The following SUCLG2 variants were observed in gnomAD, a reference collection of about 807,000 sequenced individuals.
SUCLG2 encodes the protein succinate-CoA ligase GDP-forming subunit beta.
SUCLG2 carries 42 observed loss-of-function variants against 47.9 expected under a neutral mutation model. The ratio of observed to expected loss-of-function variants is 0.88; its 90% CI spans 0.69 to 1.14. The LOEUF is 1.14. SUCLG2 is among the 50% of genes most tolerant of loss of function. The probability of loss-of-function intolerance (pLI) is 0.00; values close to 1 mark genes in which losing one functional copy is unlikely to be tolerated. For missense variants in SUCLG2, 571 were observed against 525.9 expected (o/e 1.09, Z -0.84); for synonymous variants, 195 against 197.3 (o/e 0.99, Z 0.10).
chr3:67,416,670 C>T (rs1703045716), intron 9 of SUCLG2, among the ~76,000 whole-genome samples: 7 of 152,116 alleles, frequency 4.6e-5, no homozygotes, highest in Admixed American at 4.6e-4. Context: ...GTTAACATCA[C>T]AATTACATCT....
intron 9 of SUCLG2, among the ~76,000 whole-genome samples, chr3:67,427,080 T>A (rs1224391038): frequency 6.6e-6 from 1 of 152,232 alleles, no homozygotes; most frequent in Non-Finnish European, 1.5e-5. Flanking sequence ...GTTTTATATA[T>A]TACCTGAAAG....
At chr3:67,376,566 C>G (rs1304134651) in intron 10 of SUCLG2, 3 of 921,844 alleles carry the variant, frequency 3.3e-6, no homozygotes, top group Admixed American at 6.2e-5. Context: ...TACATCATTT[C>G]CTGTGCTTTT....
chr3:67,478,266 G>C (rs577467536), intron 9 of SUCLG2, among the ~76,000 whole-genome samples: 2 of 152,312 alleles, frequency 1.3e-5, no homozygotes, highest in Admixed American at 1.3e-4. Flanking sequence ...CAAAGTACCA[G>C]ACACTGCTGA....
chr3:67,592,162 T>C (rs755086543), intron 2 of SUCLG2, among the ~76,000 whole-genome samples: 32 of 152,118 alleles, frequency 2.1e-4, no homozygotes, highest in Non-Finnish European at 3.4e-4. Context: ...GTGGGAAAAT[T>C]AGAAGAAAAG....
intron 1 of SUCLG2, among the ~76,000 whole-genome samples, chr3:67,639,208 A>C (rs2107365808): frequency 6.6e-6 from 1 of 152,370 alleles, no homozygotes; most frequent in East Asian, 1.9e-4. Flanking sequence ...TAATTTACCA[A>C]GCCCATACTT....
At chr3:67,528,350 T>C (rs962288494) in intron 3 of SUCLG2, 128 bp from the exon 4 acceptor site, 15 of 798,622 alleles carry the variant, frequency 1.9e-5, no homozygotes, top group Non-Finnish European at 2.7e-5. Context: ...TCCATGAGTC[T>C]TTCTGCTTAT....
chr3:67,420,679 C>G (rs895415002), intron 9 of SUCLG2, among the ~76,000 whole-genome samples: 1 of 152,128 alleles, frequency 6.6e-6, no homozygotes, highest in African/African-American at 2.4e-5. Flanking sequence ...ATGTAGGAGT[C>G]CTTTTCATAT....
chr3:67,426,024 T>A (rs904041309), intron 9 of SUCLG2, among the ~76,000 whole-genome samples: 1 of 152,230 alleles, frequency 6.6e-6, no homozygotes, highest in Admixed American at 6.5e-5. Flanking sequence ...AATTACCAAC[T>A]GTCTCACTTA....
At chr3:67,627,529 T>C (rs1388545634) in intron 1 of SUCLG2, among the ~76,000 whole-genome samples, 1 of 152,226 alleles carries the variant, frequency 6.6e-6, no homozygotes, top group Non-Finnish European at 1.5e-5. Context: ...AGTTATTTTG[T>C]CTCAGCTCCA....
chr3:67,580,011 A>G (rs966267228), intron 2 of SUCLG2, among the ~76,000 whole-genome samples: 3 of 152,222 alleles, frequency 2.0e-5, no homozygotes, highest in Non-Finnish European at 4.4e-5. Context: ...AAAAAATAAA[A>G]ATAAATGAGA....
chr3:67,393,644 C>T (rs1425708718), intron 10 of SUCLG2, among the ~76,000 whole-genome samples: 1 of 152,220 alleles, frequency 6.6e-6, no homozygotes, highest in Non-Finnish European at 1.5e-5. Flanking sequence ...TTTAATGTCC[C>T]TGTCTGACAG....
At chr3:67,362,504 G>C (rs1396406046) in intron 10 of SUCLG2, among the ~76,000 whole-genome samples, 1 of 152,132 alleles carries the variant, frequency 6.6e-6, no homozygotes, top group African/African-American at 2.4e-5. Context: ...GTTAATGAAT[G>C]ATAATCTAAT....
At chr3:67,392,919 A>G (rs981210644) in intron 10 of SUCLG2, among the ~76,000 whole-genome samples, 16 of 152,134 alleles carry the variant, frequency 1.1e-4, no homozygotes, top group African/African-American at 3.9e-4. Context: ...GGCTCAAACA[A>G]TCCTCCTGCC....
rs141076229 is a variant in SUCLG2, at chr3:67,649,264, A to G, written c.84+5239T>C. On this transcript the variant is annotated intron_variant, in intron 1 of 10. Transcript: ENST00000307227. Reference sequence around the variant, plus strand: ...ATTGCAGTACCCACTATGTTTTAGTATAACTACAGGTTTATAGGCCAGTTG... The same window carrying G: ...ATTGCAGTACCCACTATGTTTTAGTGTAACTACAGGTTTATAGGCCAGTTG... Among the ~76,000 whole-genome samples, 328 of 152,318 alleles carry G rather than the reference A, an allele frequency of 2.2e-3. 1 individual carries two copies. Among genetic ancestry groups the G allele is most frequent in the African/African-American group, 7.7e-3 (319 of 41,560 alleles).
chr3:67,502,023 C>A (rs1341654118), intron 7 of SUCLG2, among the ~76,000 whole-genome samples: 3 of 152,134 alleles, frequency 2.0e-5, no homozygotes, highest in African/African-American at 7.2e-5. Flanking sequence ...GTCCTAAGAA[C>A]CCCCAATTTA....
intron 1 of SUCLG2, among the ~76,000 whole-genome samples, chr3:67,620,584 C>CAAAAAAAAAAAAAAAAAAAAAAA (rs71109890): frequency 4.7e-5 from 3 of 63,510 alleles, no homozygotes; most frequent in Admixed American, 2.1e-4. Flanking sequence ...GACTCCATCT[C>CAAAAAAAAAAAAAAAAAAAAAAA]AAAAAAAAAA....
chr3:67,633,423 T>C (rs570398663), intron 1 of SUCLG2, among the ~76,000 whole-genome samples: 50 of 152,336 alleles, frequency 3.3e-4, no homozygotes, highest in Non-Finnish European at 6.9e-4. Flanking sequence ...AAGGTCTGCA[T>C]GTTTTCAAAC....
intron 4 of SUCLG2, among the ~76,000 whole-genome samples, chr3:67,526,037 T>C (rs1384849985): frequency 2.0e-5 from 3 of 152,220 alleles, no homozygotes; most frequent in East Asian, 1.9e-4. Flanking sequence ...CAAAAATATA[T>C]TGTTTCACAG....
chr3:67,640,330 T>C (rs572498114), intron 1 of SUCLG2, among the ~76,000 whole-genome samples: 1 of 152,348 alleles, frequency 6.6e-6, no homozygotes, highest in East Asian at 1.9e-4. Context: ...TAATCCCTGA[T>C]ACATGATAGA....
Sources: allele counts gnomAD v4.1 joint callset (sites outside exome capture counted in the v4.1 genomes callset), GRCh38; gene constraint gnomAD v4.1.1; transcripts MANE v1.5; gene names NCBI Gene and HGNC (gene_info 2026-07-23, HGNC 2026-07-21).